The following ACOXL variants were observed in gnomAD, a reference collection of about 807,000 sequenced individuals.
ACOXL encodes the protein acyl-coenzyme A oxidase-like protein.
ACOXL carries 70 observed loss-of-function variants against 71.9 expected under a neutral mutation model. That is an observed-to-expected ratio of 0.97 (90% confidence interval 0.80 to 1.19). The LOEUF (loss-of-function observed/expected upper bound fraction) is 1.19. Ranked by LOEUF, ACOXL falls within the 50% of genes most tolerant of loss-of-function variation. The pLI is 0.00. For synonymous variants in ACOXL, 253 were observed against 281.6 expected (o/e 0.90, Z 1.02); for missense variants, 703 against 736.3 (o/e 0.95, Z 0.52).
intron 10 of ACOXL, 49 bp downstream of exon 10, chr2:110,841,454 A>AT: frequency 6.6e-7 from 1 of 1,508,160 alleles, no homozygotes; most frequent in Non-Finnish European, 9.1e-7. Flanking sequence ...TTACCAGTTT[A>AT]TAGCTCTTGG....
chr2:111,099,638 T>C (rs766506226), intron 17 of ACOXL: 20 of 152,250 alleles, frequency 1.3e-4, no homozygotes, highest in Non-Finnish European at 2.5e-4. Flanking sequence ...AAGATTCCTG[T>C]GTCCTGGCCA....
chr2:110,832,564 A>T (rs895953907), intron 9 of ACOXL, among the ~76,000 whole-genome samples: 1 of 151,510 alleles, frequency 6.6e-6, no homozygotes, highest in Non-Finnish European at 1.5e-5. Context: ...AAAAAAAAAA[A>T]AGAACAAACT....
chr2:110,944,981 CT>C (rs2061041851), intron 12 of ACOXL, among the ~76,000 whole-genome samples: 1 of 152,196 alleles, frequency 6.6e-6, no homozygotes, highest in Non-Finnish European at 1.5e-5. Flanking sequence ...TAAGTGTTCC[CT>C]TTTCTCTGCA....
chr2:110,911,612 A>G (rs1445133877), intron 11 of ACOXL, among the ~76,000 whole-genome samples: 1 of 152,128 alleles, frequency 6.6e-6, no homozygotes, highest in Non-Finnish European at 1.5e-5. Flanking sequence ...TGTGAAAAAA[A>G]ACATGATCAT....
intron 12 of ACOXL, 140 bp downstream of exon 12, chr2:110,933,782 A>G: frequency 9.3e-7 from 1 of 1,071,550 alleles, no homozygotes; most frequent in Non-Finnish European, 1.3e-6. Context: ...CTTCCTTACC[A>G]GCCTCATAGT....
chr2:110,788,797 C>T (rs1324751975), intron 3 of ACOXL, among the ~76,000 whole-genome samples: 1 of 152,206 alleles, frequency 6.6e-6, no homozygotes, highest in Non-Finnish European at 1.5e-5. Flanking sequence ...CAAGTCCTGA[C>T]CAGGAGGACC....
intron 16 of ACOXL, among the ~76,000 whole-genome samples, chr2:111,085,929 A>G (rs771221818): frequency 6.6e-6 from 1 of 152,216 alleles, no homozygotes; most frequent in Non-Finnish European, 1.5e-5. Context: ...AGAGACTACT[A>G]TGAATACCTG....
At chr2:111,076,115 A>G (rs893052051) in intron 16 of ACOXL, among the ~76,000 whole-genome samples, 9 of 152,074 alleles carry the variant, frequency 5.9e-5, no homozygotes, top group Non-Finnish European at 1.2e-4. Context: ...AGTTCTTTGT[A>G]TCCTTGCTGA....
At chr2:110,820,924 A>G (rs987776187) in intron 9 of ACOXL, among the ~76,000 whole-genome samples, 2 of 152,026 alleles carry the variant, frequency 1.3e-5, no homozygotes, top group African/African-American at 4.8e-5. Flanking sequence ...GGGATTGGGA[A>G]TATGTCCTCC....
chr2:111,083,372 A>G (rs1574707610), intron 16 of ACOXL, among the ~76,000 whole-genome samples: 1 of 152,152 alleles, frequency 6.6e-6, no homozygotes, highest in Non-Finnish European at 1.5e-5. Flanking sequence ...TATTACAGCA[A>G]AAAATACAGA....
At chr2:110,822,290 T>G (rs1359511403) in intron 9 of ACOXL, among the ~76,000 whole-genome samples, 1 of 152,184 alleles carries the variant, frequency 6.6e-6, no homozygotes, top group Non-Finnish European at 1.5e-5. Context: ...CACTCACGTC[T>G]CAACTCTGAT....
chr2:110,747,550 C>T (rs1053127177), intron 1 of ACOXL, among the ~76,000 whole-genome samples: 1 of 152,150 alleles, frequency 6.6e-6, no homozygotes, highest in African/African-American at 2.4e-5. Flanking sequence ...TAAAAATAAC[C>T]GTCCTCGTTT....
chr2:111,026,582 A>G (rs914328466), intron 14 of ACOXL, among the ~76,000 whole-genome samples: 3 of 151,494 alleles, frequency 2.0e-5, no homozygotes, highest in Non-Finnish European at 2.9e-5. Context: ...TTTTGATGCT[A>G]TTGTAAATGG....
chr2:110,854,957 A>G (rs1269636780), intron 10 of ACOXL, among the ~76,000 whole-genome samples: 1 of 152,176 alleles, frequency 6.6e-6, no homozygotes, highest in African/African-American at 2.4e-5. Flanking sequence ...GCTTTAAGAA[A>G]CTGTCCCAGT....
intron 16 of ACOXL, among the ~76,000 whole-genome samples, chr2:111,089,746 T>G (rs1365425698): frequency 1.3e-5 from 2 of 152,244 alleles, no homozygotes; most frequent in Admixed American, 6.5e-5. Flanking sequence ...TTTCACTCAT[T>G]TATTCAAAAA....
At chr2:110,798,833 CT>C in intron 6 of ACOXL, 109 bp downstream of exon 6, 1 of 1,200,568 alleles carries the variant, frequency 8.3e-7, no homozygotes, top group Non-Finnish European at 1.2e-6. Context: ...TCAGTACTAA[CT>C]TTATCTCCTA....
At chr2:110,752,362 T>C (rs537807662) in intron 1 of ACOXL, among the ~76,000 whole-genome samples, 95 of 152,198 alleles carry the variant, frequency 6.2e-4, no homozygotes, top group Admixed American at 1.3e-3. Flanking sequence ...GGTGTACTTA[T>C]AGTCCCAACT....
intron 10 of ACOXL, among the ~76,000 whole-genome samples, chr2:110,905,525 A>C (rs193211592): frequency 5.3e-5 from 8 of 152,342 alleles, no homozygotes; most frequent in African/African-American, 1.7e-4. Context: ...AGACTCACAT[A>C]GAATGTCTGT....
chr2:111,096,095 A>C (rs2068784170), intron 17 of ACOXL, among the ~76,000 whole-genome samples: 2 of 152,306 alleles, frequency 1.3e-5, no homozygotes, highest in South Asian at 4.1e-4. Flanking sequence ...TGGTATTACT[A>C]ACAAGGGTCC....
Sources: gnomAD v4.1 joint callset for allele counts (sites outside exome capture counted in the v4.1 genomes callset) on GRCh38, gnomAD v4.1.1 for gene constraint, MANE v1.5 for transcripts, NCBI Gene and HGNC (gene_info 2026-07-23, HGNC 2026-07-21) for gene names.